GNA11: variants seen among roughly 807,000 people sequenced by gnomAD.
GNA11 encodes guanine nucleotide-binding protein subunit alpha-11.
In GNA11, 8 loss-of-function variants were observed where a neutral mutation model predicts 38.2. The ratio of observed to expected loss-of-function variants is 0.21; its 90% CI spans 0.12 to 0.38. The LOEUF (loss-of-function observed/expected upper bound fraction) is 0.38, where lower values mean the gene tolerates loss of function less well. Among genes scored for constraint, GNA11 ranks in the 10% least tolerant of loss-of-function variants. GNA11 has a pLI of 1.00. For synonymous variants in GNA11, 211 were observed against 221.4 expected (o/e 0.95, Z 0.42); for missense variants, 268 against 516.3 (o/e 0.52, Z 4.66).
At position 3,119,382 on chromosome 19, in the gene GNA11, G is replaced by A. The variant is rs754554238; in HGVS notation, c.889+23G>A. 7.4e-6 allele frequency: 12 copies of A among 1,610,852 alleles called. No individual in the cohort carries two copies. The highest frequency in any genetic ancestry group is 1.1e-5 in the South Asian group (1 of 90,898). The stretch of plus-strand genomic sequence containing the variant: ...ATGGTGCGCCGGGCTGCGGCATGGG[G>A]AGGGGCTCGCGGGCAGGGCCTTACT... On this transcript the variant is annotated intron_variant, in intron 6 of 6. Transcript: ENST00000078429. The surrounding 1 kb of genome is among the most constrained non-coding windows in gnomAD (Gnocchi z 4.6).
chr19:3,110,420 C>A lies in GNA11; in HGVS notation c.321+87C>A. ...TGGTGGCCGCGCTGCCAGGGTGGGG[C>A]CATGCCGGGGGTCCCGGCCGGCCCA... is the stretch of plus-strand genomic sequence containing the variant. On this transcript the variant is annotated intron_variant, in intron 2 of 6. Transcript: ENST00000078429. This position sits in a 1 kb window ranked among gnomAD's most constrained non-coding sequence, Gnocchi z 5.4. The A allele has an allele frequency of 8.9e-7, 1 of 1,127,730 alleles. No homozygotes were observed. The highest frequency in any genetic ancestry group is 1.3e-6 in the Non-Finnish European group (1 of 774,422). The allele number at this position is 1,127,730 out of a possible 1,614,324, so 69.9% of individuals were successfully genotyped here.
intron 1 of GNA11, among the ~76,000 whole-genome samples, chr19:3,096,666 C>T (rs984850488): frequency 5.9e-5 from 9 of 152,208 alleles, no homozygotes; most frequent in Admixed American, 2.0e-4. Flanking sequence ...CGCCTGTGGC[C>T]CGGGGGTGTC....
intron 1 of GNA11, among the ~76,000 whole-genome samples, chr19:3,102,883 C>T (rs1191344544): frequency 1.3e-5 from 2 of 152,210 alleles, no homozygotes; most frequent in East Asian, 1.9e-4. Context: ...CACAGGCACA[C>T]GCATGCACAC....
At chr19:3,113,777 G>A (rs1411800274) in intron 3 of GNA11, among the ~76,000 whole-genome samples, 2 of 152,194 alleles carry the variant, frequency 1.3e-5, no homozygotes, top group Non-Finnish European at 2.9e-5. Context: ...CTCGGTGCTG[G>A]AGCCCGGCCT....
chr19:3,100,859 G>C (rs1348358753), intron 1 of GNA11, among the ~76,000 whole-genome samples: 1 of 152,226 alleles, frequency 6.6e-6, no homozygotes, highest in Non-Finnish European at 1.5e-5. Flanking sequence ...GCTGAGGCCA[G>C]TGCGGCAGAC....
chr19:3,112,856 G>T (rs561996389), intron 2 of GNA11, among the ~76,000 whole-genome samples: 2 of 152,382 alleles, frequency 1.3e-5, no homozygotes, highest in Non-Finnish European at 2.9e-5. Flanking sequence ...AGGCGATGCC[G>T]CTGGTTGCAA....
At chr19:3,111,502 C>A (rs564324594) in intron 2 of GNA11, among the ~76,000 whole-genome samples, 4 of 152,356 alleles carry the variant, frequency 2.6e-5, no homozygotes, top group Admixed American at 2.6e-4. Context: ...AGAGCCTCGT[C>A]CCTGTTCATG....
chr19:3,123,313 G>A lies in GNA11; in HGVS notation c.*2134G>A, dbSNP rs758709462. On this transcript the variant is annotated 3_prime_UTR_variant, in exon 7 of 7. Coordinates refer to ENST00000078429, the MANE Select transcript of GNA11 (RefSeq NM_002067.5). ...AGAGCCGGGCTGGGACCGCCAAAACGTCGTGGCCTGGATCCTCTGGGTCTG... is the reference window on the plus strand; with the variant it reads ...AGAGCCGGGCTGGGACCGCCAAAACATCGTGGCCTGGATCCTCTGGGTCTG... 19 of 233,392 alleles carry A rather than the reference G, an allele frequency of 8.1e-5. No homozygotes were observed. The highest frequency in any genetic ancestry group is 1.8e-4 in the South Asian group (1 of 5,534). The allele number at this position is 233,392 out of a possible 1,614,324, so 14.5% of individuals were successfully genotyped here.
At chr19:3,096,592 G>A (rs1441014652) in intron 1 of GNA11, among the ~76,000 whole-genome samples, 3 of 152,152 alleles carry the variant, frequency 2.0e-5, no homozygotes, top group Non-Finnish European at 4.4e-5. Context: ...CGTGTCTGCC[G>A]CCTTGGCTGC....
chr19:3,096,316 G>T (rs1191006665), intron 1 of GNA11, among the ~76,000 whole-genome samples: 1 of 152,198 alleles, frequency 6.6e-6, no homozygotes, highest in East Asian at 1.9e-4. Context: ...TGGTCCTCAC[G>T]TTTGGAGGAA....
At chr19:3,113,577 C>T (rs1913834938) in intron 3 of GNA11, 93 bp downstream of exon 3, 3 of 966,230 alleles carry the variant, frequency 3.1e-6, no homozygotes, top group Non-Finnish European at 3.0e-6. Flanking sequence ...GTCTGTGGTG[C>T]CCCCTGCCTG....
At chr19:3,118,173 C>T (rs941518869) in intron 4 of GNA11, 3 of 152,238 alleles carry the variant, frequency 2.0e-5, no homozygotes, top group Non-Finnish European at 4.4e-5. Flanking sequence ...TTCCCTGGGG[C>T]CTGGGGCCAG....
chr19:3,114,318 C>T (rs758610736), intron 3 of GNA11, among the ~76,000 whole-genome samples: 1 of 152,162 alleles, frequency 6.6e-6, no homozygotes. Flanking sequence ...CTGCCCAGGG[C>T]GTCAAAAACG....
Position 3,110,242 on chromosome 19 carries a change from A to G in GNA11, c.230A>G (p.Lys77Arg), listed in dbSNP as rs1671522857. Reference sequence around the variant, plus strand: ...GAGGAGGACAAGCGCGGCTTCACCAAGCTCGTCTACCAGAACATCTTCACC... The same window carrying G: ...GAGGAGGACAAGCGCGGCTTCACCAGGCTCGTCTACCAGAACATCTTCACC... Reference protein sequence around the residue: ...YSEEDKRGFTKLVYQNIFTAM... With the variant: ...YSEEDKRGFTRLVYQNIFTAM... Residue 77 changes from lysine (K) to arginine (R), a missense_variant, in exon 2 of 7, where the codon AAG becomes AGG. Coordinates refer to ENST00000078429, the MANE Select transcript of GNA11 (RefSeq NM_002067.5). This position sits in a 1 kb window ranked among gnomAD's most constrained non-coding sequence, Gnocchi z 5.4. 3 of 1,613,990 alleles carry G rather than the reference A, an allele frequency of 1.9e-6. No homozygotes were observed. Among genetic ancestry groups the G allele is most frequent in the Middle Eastern group, 3.3e-4 (2 of 6,062 alleles).
chr19:3,094,596 G>T lies in GNA11; in HGVS notation c.-56G>T. On this transcript the variant is annotated 5_prime_UTR_variant, in exon 1 of 7. Transcript: ENST00000078429. The surrounding 1 kb of genome is among the most constrained non-coding windows in gnomAD (Gnocchi z 6.0). The stretch of plus-strand genomic sequence containing the variant: ...CCGAGGCGGCTCCGGCCAGGGCCGG[G>T]CCGGGGGCCGGGGGGCGGCGGCGGG... The T allele has an allele frequency of 3.2e-6, 3 of 930,120 alleles. No homozygotes were observed. The highest frequency in any genetic ancestry group is 3.9e-6 in the Non-Finnish European group (3 of 769,172). The allele number at this position is 930,120 out of a possible 1,614,324, so 57.6% of individuals were successfully genotyped here.
rs1033436769 is a variant in GNA11 at position 3,123,447 on chromosome 19, C to T, written c.*2268C>T. On this transcript the variant is annotated 3_prime_UTR_variant, in exon 7 of 7. Coordinates refer to ENST00000078429, the MANE Select transcript of GNA11 (RefSeq NM_002067.5). ...GGCAGTGGTTCTCGTGCCAGTGGCA[C>T]CCAGGGGCAAGGACAGCCAACCCCC... 16 of 233,248 alleles carry T rather than the reference C, an allele frequency of 6.9e-5. No individual in the cohort carries two copies. The highest frequency in any genetic ancestry group is 6.2e-4 in the Admixed American group (11 of 17,792). The allele number at this position is 233,248 out of a possible 1,614,324, so 14.4% of individuals were successfully genotyped here.
At position 3,123,399 on chromosome 19, in the gene GNA11, G is replaced by A. The variant is rs1408860356; in HGVS notation, c.*2220G>A. ...TAGGTGTTGCAGGCCCAGGGCAGGGGTGCCTGCCCCAGGAGAGTCCCAGGC... is the reference window on the plus strand; with the variant it reads ...TAGGTGTTGCAGGCCCAGGGCAGGGATGCCTGCCCCAGGAGAGTCCCAGGC... On this transcript the variant is annotated 3_prime_UTR_variant, in exon 7 of 7. Coordinates refer to ENST00000078429, the MANE Select transcript of GNA11 (RefSeq NM_002067.5). The A allele has an allele frequency of 4.3e-6, 1 of 233,288 alleles. No individual in the cohort carries two copies. Among genetic ancestry groups the A allele is most frequent in the Non-Finnish European group, 8.5e-6 (1 of 118,118 alleles). The allele number at this position is 233,288 out of a possible 1,614,324, so 14.5% of individuals were successfully genotyped here.
At chr19:3,095,985 C>T (rs1056158271) in intron 1 of GNA11, among the ~76,000 whole-genome samples, 3 of 152,152 alleles carry the variant, frequency 2.0e-5, no homozygotes, top group Non-Finnish European at 4.4e-5. Context: ...CCTGCCCCGC[C>T]CCTGCCCTCC....
chr19:3,101,954 G>C (rs565763630), intron 1 of GNA11, among the ~76,000 whole-genome samples: 1 of 152,220 alleles, frequency 6.6e-6, no homozygotes, highest in East Asian at 1.9e-4. Flanking sequence ...AAATTAGCCA[G>C]ACTTGGTGAT....
Sources: allele counts gnomAD v4.1 joint callset (sites outside exome capture counted in the v4.1 genomes callset), GRCh38; gene constraint gnomAD v4.1.1; non-coding constraint Gnocchi (gnomAD v3.1); transcripts MANE v1.5; gene names NCBI Gene and HGNC (gene_info 2026-07-23, HGNC 2026-07-21).